The following PHF24 variants were observed in gnomAD, a reference collection of about 807,000 sequenced individuals.
PHF24 encodes PHD finger protein 24, also known as Galpha inhibitory interacting protein.
Under a neutral mutation model 42.6 loss-of-function variants are expected in PHF24, and 25 were observed. That is an observed-to-expected ratio of 0.59 (90% CI 0.43 to 0.82). The LOEUF is 0.82. Ranked by LOEUF, PHF24 falls within the 40% of genes least tolerant of loss-of-function variation. The probability of loss-of-function intolerance (pLI) is 0.00; values close to 1 mark genes in which losing one functional copy is unlikely to be tolerated. For synonymous variants in PHF24, 185 were observed against 204.8 expected, an observed-to-expected ratio of 0.90 and a Z score of 0.83; for missense variants, 470 against 538.1, an observed-to-expected ratio of 0.87 and a Z score of 1.25.
chr9:34,863,842 T>C, the PHF24 span, among the ~76,000 whole-genome samples: 3 of 152,230 alleles, frequency 2.0e-5, no homozygotes, highest in Non-Finnish European at 4.4e-5. Context: ...AGATATGTGA[T>C]CTTTCAGGCA....
the PHF24 span, among the ~76,000 whole-genome samples, chr9:34,908,842 C>CTTTTTTTTTTTTTTTTTTTTTTTT: frequency 6.9e-4 from 93 of 135,342 alleles, no homozygotes; most frequent in Non-Finnish European, 9.5e-4. Context: ...CTTTTCTTTT[C>CTTTTTTTTTTTTTTTTTTTTTTTT]TTTTTTTTTT....
chr9:34,942,801 A>G, the PHF24 span, among the ~76,000 whole-genome samples: 3 of 152,144 alleles, frequency 2.0e-5, no homozygotes, highest in African/African-American at 7.2e-5. Context: ...ATTGACAGTA[A>G]GAACACTTGG....
chr9:34,835,866 A>G, the PHF24 span: 2 of 1,117,206 alleles, frequency 1.8e-6, no homozygotes, highest in African/African-American at 3.1e-5. Context: ...AGGATACACT[A>G]GACAGAGACA....
At chr9:34,876,423 A>G in the PHF24 span, among the ~76,000 whole-genome samples, 1 of 152,210 alleles carries the variant, frequency 6.6e-6, no homozygotes, top group African/African-American at 2.4e-5. Flanking sequence ...TATGGTTCCA[A>G]CTATATGACA....
chr9:34,895,961 G>A, the PHF24 span, among the ~76,000 whole-genome samples: 2 of 152,138 alleles, frequency 1.3e-5, no homozygotes, highest in Non-Finnish European at 2.9e-5. Flanking sequence ...GCTCTGTATG[G>A]GCTACAGAGC....
At chr9:34,947,606 C>T in the PHF24 span, among the ~76,000 whole-genome samples, 23,826 of 151,960 alleles carry the variant, frequency 0.16, 2,445 homozygotes, top group Non-Finnish European at 0.23. Flanking sequence ...TCCTTCAGGA[C>T]GTATTCCAGA....
the PHF24 span, among the ~76,000 whole-genome samples, chr9:34,679,010 A>G: frequency 2.0e-5 from 3 of 152,254 alleles, no homozygotes; most frequent in Non-Finnish European, 4.4e-5. Context: ...CCCTTCCTGC[A>G]TAAAAGCCCT....
chr9:34,975,926 G>A (rs1038196127), intron 3 of PHF24, among the ~76,000 whole-genome samples: 1 of 152,076 alleles, frequency 6.6e-6, no homozygotes, highest in Non-Finnish European at 1.5e-5. Context: ...CAGTGCTGGA[G>A]TCAGGATATC....
chr9:34,858,276 T>C, the PHF24 span, among the ~76,000 whole-genome samples: 1 of 152,214 alleles, frequency 6.6e-6, no homozygotes, highest in African/African-American at 2.4e-5. Flanking sequence ...TGGCTTTGTC[T>C]GAGAAAGCCC....
chr9:34,732,455 G>T, the PHF24 span, among the ~76,000 whole-genome samples: 1 of 152,002 alleles, frequency 6.6e-6, no homozygotes, highest in Non-Finnish European at 1.5e-5. Flanking sequence ...TTTTCAATAG[G>T]ATTATTAGAT....
At chr9:34,937,416 A>G in the PHF24 span, among the ~76,000 whole-genome samples, 1 of 152,140 alleles carries the variant, frequency 6.6e-6, no homozygotes, top group Admixed American at 6.5e-5. Flanking sequence ...AGGGCGGTGC[A>G]AGATGTGCTT....
At chr9:34,774,127 C>T in the PHF24 span, among the ~76,000 whole-genome samples, 7 of 152,170 alleles carry the variant, frequency 4.6e-5, no homozygotes, top group African/African-American at 1.7e-4. Context: ...AAATGTAGAG[C>T]TAAATAAGAC....
At chr9:34,708,196 C>T in the PHF24 span, among the ~76,000 whole-genome samples, 1 of 152,062 alleles carries the variant, frequency 6.6e-6, no homozygotes, top group African/African-American at 2.4e-5. Flanking sequence ...CTGAGGCCTT[C>T]CAGGAGAGGA....
the PHF24 span, among the ~76,000 whole-genome samples, chr9:34,869,068 TGCCAA>T: frequency 1.3e-5 from 2 of 152,242 alleles, no homozygotes; most frequent in East Asian, 3.8e-4. Context: ...TCCATGTCCC[TGCCAA>T]GGACATAATC....
chr9:34,793,882 C>T, the PHF24 span, among the ~76,000 whole-genome samples: 2 of 151,072 alleles, frequency 1.3e-5, no homozygotes, highest in African/African-American at 4.9e-5. Flanking sequence ...CCCTAGAGGG[C>T]GGGGTGAACC....
the PHF24 span, among the ~76,000 whole-genome samples, chr9:34,815,570 C>T: frequency 6.6e-6 from 1 of 152,144 alleles, no homozygotes; most frequent in East Asian, 1.9e-4. Context: ...GATCCACCTG[C>T]CTTGGCGTCC....
the PHF24 span, among the ~76,000 whole-genome samples, chr9:34,737,369 AC>A: frequency 1.3e-5 from 2 of 152,220 alleles, no homozygotes; most frequent in Non-Finnish European, 2.9e-5. Context: ...GGAACCTATT[AC>A]TACTTTATTT....
chr9:34,823,477 G>A, the PHF24 span, among the ~76,000 whole-genome samples: 1 of 152,230 alleles, frequency 6.6e-6, no homozygotes, highest in East Asian at 1.9e-4. Flanking sequence ...TCCCATCCTT[G>A]CCTACCTTTT....
At chr9:34,709,282 G>A in the PHF24 span, 2 of 1,265,296 alleles carry the variant, frequency 1.6e-6, no homozygotes, top group African/African-American at 3.0e-5. Flanking sequence ...AGGCCAGCAT[G>A]GGGTGGCTGC....
Sources: gnomAD v4.1 joint callset for allele counts (sites outside exome capture counted in the v4.1 genomes callset) on GRCh38, gnomAD v4.1.1 for gene constraint, MANE v1.5 for transcripts, NCBI Gene and HGNC (gene_info 2026-07-23, HGNC 2026-07-21) for gene names.